The following AFG2A variants were observed in gnomAD, a reference collection of about 807,000 sequenced individuals.
AFG2A encodes the protein AAA ATPase AFG2A.
the AFG2A span, among the ~76,000 whole-genome samples, chr4:123,169,431 C>T: frequency 6.6e-6 from 1 of 152,178 alleles, no homozygotes; most frequent in African/African-American, 2.4e-5. Context: ...CGACGTATTA[C>T]AGTCTCAAAG....
chr4:123,234,773 G>A, the AFG2A span, among the ~76,000 whole-genome samples: 500 of 152,062 alleles, frequency 3.3e-3, 5 homozygotes, highest in African/African-American at 0.011. Context: ...ACTTCTTTTG[G>A]TGTTGATTAT....
At chr4:123,016,876 T>TC in the AFG2A span, among the ~76,000 whole-genome samples, 1 of 152,136 alleles carries the variant, frequency 6.6e-6, no homozygotes, top group Non-Finnish European at 1.5e-5. Context: ...TCCCGGCACC[T>TC]CGGGACGCCG....
At chr4:122,957,027 T>C in the AFG2A span, among the ~76,000 whole-genome samples, 1 of 152,116 alleles carries the variant, frequency 6.6e-6, no homozygotes. Context: ...TTTTCTCCAT[T>C]TGTAAATTGA....
the AFG2A span, among the ~76,000 whole-genome samples, chr4:123,014,464 G>T: frequency 6.6e-6 from 1 of 151,830 alleles, no homozygotes; most frequent in African/African-American, 2.4e-5. Flanking sequence ...TGTGTAAATG[G>T]TTAACCATTT....
the AFG2A span, among the ~76,000 whole-genome samples, chr4:123,097,155 A>T: frequency 1.8e-4 from 27 of 152,172 alleles, no homozygotes; most frequent in East Asian, 5.2e-3. Flanking sequence ...TTTTCTAGAA[A>T]GTTTTATGAC....
At chr4:122,949,737 T>A in the AFG2A span, among the ~76,000 whole-genome samples, 2 of 152,182 alleles carry the variant, frequency 1.3e-5, no homozygotes, top group African/African-American at 4.8e-5. Context: ...CTCCCCTCTG[T>A]AATGTGTTGC....
chr4:122,940,722 A>C, the AFG2A span, among the ~76,000 whole-genome samples: 2 of 152,072 alleles, frequency 1.3e-5, no homozygotes, highest in East Asian at 1.9e-4. Flanking sequence ...CTATGTCCTG[A>C]ATGGTAATGC....
the AFG2A span, chr4:122,934,711 A>C: frequency 6.3e-7 from 1 of 1,589,172 alleles, no homozygotes; most frequent in Non-Finnish European, 8.5e-7. Flanking sequence ...ATTGCCCCTC[A>C]AACAGCCTGA....
At chr4:123,002,001 A>G in the AFG2A span, among the ~76,000 whole-genome samples, 2 of 152,162 alleles carry the variant, frequency 1.3e-5, no homozygotes, top group South Asian at 4.1e-4. Context: ...TAATGGGTTC[A>G]TATATATTTA....
the AFG2A span, among the ~76,000 whole-genome samples, chr4:123,270,172 G>C: frequency 9.2e-5 from 14 of 152,278 alleles, no homozygotes; most frequent in Admixed American, 3.3e-4. Context: ...ATAAAACTAA[G>C]AGATAGGGCT....
chr4:123,307,742 T>G, the AFG2A span, among the ~76,000 whole-genome samples: 1 of 152,238 alleles, frequency 6.6e-6, no homozygotes, highest in South Asian at 2.1e-4. Flanking sequence ...AGATACATAA[T>G]GGTGGTCCCA....
chr4:122,950,174 C>A, the AFG2A span, among the ~76,000 whole-genome samples: 6 of 152,146 alleles, frequency 3.9e-5, no homozygotes, highest in Non-Finnish European at 8.8e-5. Context: ...GCAGCGTGTC[C>A]ACAGAGCCAA....
chr4:123,111,726 C>A, the AFG2A span, among the ~76,000 whole-genome samples: 86 of 150,672 alleles, frequency 5.7e-4, 1 homozygote, highest in African/African-American at 1.8e-3. Flanking sequence ...TCTTCTTCTT[C>A]TTCTTCTTAT....
the AFG2A span, among the ~76,000 whole-genome samples, chr4:123,148,677 A>T: frequency 6.6e-6 from 1 of 152,092 alleles, no homozygotes; most frequent in Non-Finnish European, 1.5e-5. Flanking sequence ...GAGGCCAACA[A>T]TGTTTCTTTG....
At chr4:123,267,113 T>C in the AFG2A span, among the ~76,000 whole-genome samples, 1 of 152,022 alleles carries the variant, frequency 6.6e-6, no homozygotes, top group South Asian at 2.1e-4. Context: ...AAAGAAGTCA[T>C]TCTATTAGAA....
chr4:123,224,814 T>C, the AFG2A span, among the ~76,000 whole-genome samples: 1 of 152,206 alleles, frequency 6.6e-6, no homozygotes, highest in Non-Finnish European at 1.5e-5. Flanking sequence ...TGAACTAGTT[T>C]ACAGTCCCAC....
At chr4:122,994,639 G>T in the AFG2A span, among the ~76,000 whole-genome samples, 1 of 151,698 alleles carries the variant, frequency 6.6e-6, no homozygotes, top group Middle Eastern at 3.4e-3. Flanking sequence ...TCAGAATTTG[G>T]ACATTTGGTT....
the AFG2A span, among the ~76,000 whole-genome samples, chr4:123,307,609 A>T: frequency 6.6e-6 from 1 of 152,232 alleles, no homozygotes; most frequent in Non-Finnish European, 1.5e-5. Context: ...GGTTAGTTTC[A>T]TCAAGTGAGA....
At chr4:123,233,959 A>C in the AFG2A span, among the ~76,000 whole-genome samples, 2 of 152,194 alleles carry the variant, frequency 1.3e-5, no homozygotes, top group Middle Eastern at 3.4e-3. Context: ...ATCTGGTTCT[A>C]TATTTTGTTA....
Sources: allele counts gnomAD v4.1 joint callset (sites outside exome capture counted in the v4.1 genomes callset), GRCh38; gene constraint gnomAD v4.1.1; transcripts MANE v1.5; gene names NCBI Gene and HGNC (gene_info 2026-07-23, HGNC 2026-07-21).